Variants in SYNE1 observed in about 807,000 individuals in gnomAD.
SYNE1 encodes the protein nesprin-1.
In SYNE1, 616 loss-of-function variants were observed where a neutral mutation model predicts 1,111.0. The observed-to-expected ratio is 0.55, with a 90% confidence interval of 0.52 to 0.59. SYNE1 has a LOEUF of 0.59. SYNE1 is among the 20% of genes least tolerant of loss of function. The probability of loss-of-function intolerance (pLI) is 0.00; values close to 1 mark genes in which losing one functional copy is unlikely to be tolerated. For synonymous variants in SYNE1, 3,855 were observed against 3,825.8 expected (o/e 1.01, Z -0.28); for missense variants, 10,006 against 10,417.0 (o/e 0.96, Z 1.72).
rs1338211878 is a variant in SYNE1 at position 152,266,648 on chromosome 6, T to C, written c.18815+1408A>G. Among the ~76,000 whole-genome samples, 6 of 152,330 alleles carry C rather than the reference T, an allele frequency of 3.9e-5. No homozygotes were observed. The East Asian group carries it at 5.8e-4, about 15-fold the overall frequency. On this transcript the variant is annotated intron_variant, in intron 100 of 145. Transcript: ENST00000367255. The stretch of plus-strand genomic sequence containing the variant: ...ATGCCATAATACTATTCATTCCTAT[T>C]CTTTTACATTGATATTTATTAGCCA...
chr6:152,302,123 T>C (rs762658205), intron 91 of SYNE1, 60 bp from the exon 92 acceptor site: 19 of 1,606,350 alleles, frequency 1.2e-5, no homozygotes, highest in South Asian at 5.5e-5. Context: ...ACAGAAGTAG[T>C]AGCGTTCATC....
At chr6:152,511,463 G>T in intron 6 of SYNE1, 1 of 986,922 alleles carries the variant, frequency 1.0e-6, no homozygotes, top group Non-Finnish European at 1.6e-6. Flanking sequence ...GCAATGAGAA[G>T]TTTAAGAAGA....
At position 152,604,160 on chromosome 6, in the gene SYNE1, A is replaced by ATGTG. The variant is rs34756749; in HGVS notation, c.67+24101_67+24104dup. Among the ~76,000 whole-genome samples the ATGTG allele has an allele frequency of 1.7e-3, 257 of 148,866 alleles. 1 individual carries two copies. Among genetic ancestry groups the ATGTG allele is most frequent in the Middle Eastern group, 3.5e-3 (1 of 284 alleles). The stretch of plus-strand genomic sequence containing the variant: ...TCAGATAAAGTCTCCAACCCTTTAT[A>ATGTG]TGTGTGTGTGTGTGTGTGTATGTGT... On this transcript the variant is annotated intron_variant, in intron 3 of 145. Coordinates refer to ENST00000367255, the MANE Select transcript of SYNE1 (RefSeq NM_182961.4).
At position 152,176,933 on chromosome 6, in the gene SYNE1, T is replaced by C. The variant is rs1264636983; in HGVS notation, c.23461-373A>G. Reference sequence around the variant, plus strand: ...AACCTGATGTTATACTTAGAATAAATTCTCAGACAAATAGTTGCTGAGAGA... The same window carrying C: ...AACCTGATGTTATACTTAGAATAAACTCTCAGACAAATAGTTGCTGAGAGA... On this transcript the variant is annotated intron_variant, in intron 129 of 145. Transcript: ENST00000367255. 2.0e-5 allele frequency among the ~76,000 whole-genome samples: 3 copies of C among 152,124 alleles called. No homozygotes were observed. In the East Asian group the frequency reaches 5.8e-4, roughly 29 times the overall value.
At chr6:152,344,020 C>A (rs960064510) in intron 74 of SYNE1, 61 bp downstream of exon 74, 1 of 1,609,906 alleles carries the variant, frequency 6.2e-7, no homozygotes. Flanking sequence ...GTACTTCACA[C>A]ATTTTCACTG....
chr6:152,407,259 C>T, intron 44 of SYNE1, 63 bp from the exon 45 acceptor site: 2 of 1,480,554 alleles, frequency 1.4e-6, no homozygotes, highest in Non-Finnish European at 9.4e-7. Context: ...ATCCCCCAAC[C>T]AAAGTACCAA....
chr6:152,563,120 C>A (rs1359465181), intron 3 of SYNE1, among the ~76,000 whole-genome samples: 1 of 151,684 alleles, frequency 6.6e-6, no homozygotes, highest in African/African-American at 2.4e-5. Context: ...ACAACAATAA[C>A]AAAATAGTAC....
At chr6:152,285,518 A>G (rs752012000) in intron 95 of SYNE1, among the ~76,000 whole-genome samples, 4 of 152,160 alleles carry the variant, frequency 2.6e-5, no homozygotes, top group Non-Finnish European at 5.9e-5. Flanking sequence ...ACACTCGTGT[A>G]GTCTCACTCT....
At chr6:152,616,105 A>C (rs548177651) in intron 3 of SYNE1, among the ~76,000 whole-genome samples, 1 of 152,354 alleles carries the variant, frequency 6.6e-6, no homozygotes, top group South Asian at 2.1e-4. Context: ...TTAATATTCA[A>C]AATGATCTTT....
chr6:152,487,826 A>G (rs9383997), intron 12 of SYNE1, among the ~76,000 whole-genome samples: 20,068 of 152,202 alleles, frequency 0.13, 1,704 homozygotes, highest in East Asian at 0.46. Flanking sequence ...CTGTAATCCC[A>G]GCACTTTGGG....
intron 145 of SYNE1, among the ~76,000 whole-genome samples, chr6:152,124,367 T>C (rs965042991): frequency 2.6e-5 from 4 of 152,210 alleles, no homozygotes; most frequent in Non-Finnish European, 5.9e-5. Flanking sequence ...AGTGTTTCTA[T>C]ACACTTCTTG....
intron 127 of SYNE1, among the ~76,000 whole-genome samples, chr6:152,191,055 T>C (rs557600887): frequency 6.6e-6 from 1 of 152,260 alleles, no homozygotes; most frequent in African/African-American, 2.4e-5. Context: ...TTTCATTCTG[T>C]TGATCTGATG....
chr6:152,546,432 G>C (rs2099313521), intron 3 of SYNE1: 1 of 152,080 alleles, frequency 6.6e-6, no homozygotes, highest in Admixed American at 6.6e-5. Flanking sequence ...GGCTGGCATT[G>C]AGATCTACAT....
Position 152,440,862 on chromosome 6 carries a change from C to T in SYNE1, c.4149+268G>A, listed in dbSNP as rs112309215. Reference sequence around the variant, plus strand: ...ATTACAGGAGTTGAGTCACAGCGCGCGGCCTGCCTCCAGATTTTAAAAACT... The same window carrying T: ...ATTACAGGAGTTGAGTCACAGCGCGTGGCCTGCCTCCAGATTTTAAAAACT... On this transcript the variant is annotated intron_variant, in intron 32 of 145. Transcript: ENST00000367255. 0.045 allele frequency among the ~76,000 whole-genome samples: 6,777 copies of T among 151,822 alleles called. 173 individuals are homozygous for T. Among genetic ancestry groups the T allele is most frequent in the Non-Finnish European group, 0.056 (3,790 of 67,934 alleles).
At chr6:152,314,022 CA>C (rs1361096161) in intron 87 of SYNE1, among the ~76,000 whole-genome samples, 1 of 152,168 alleles carries the variant, frequency 6.6e-6, no homozygotes, top group Non-Finnish European at 1.5e-5. Flanking sequence ...TGGAGAATTC[CA>C]GCTGCTTAGT....
chr6:152,460,799 CTTTTTTTTTT>C (rs869295894), intron 21 of SYNE1, among the ~76,000 whole-genome samples: 1 of 67,604 alleles, frequency 1.5e-5, no homozygotes, highest in East Asian at 4.3e-4. Context: ...TGTATATAAT[CTTTTTTTTTT>C]TTTTTTTTTT....
At chr6:152,459,206 T>C (rs1438637215) in intron 21 of SYNE1, among the ~76,000 whole-genome samples, 1 of 152,202 alleles carries the variant, frequency 6.6e-6, no homozygotes, top group Admixed American at 6.5e-5. Context: ...CTCATCTAAA[T>C]GATTGTTTTT....
chr6:152,401,407 T>C, intron 46 of SYNE1, 66 bp from the exon 47 acceptor site: 1 of 1,492,668 alleles, frequency 6.7e-7, no homozygotes. Context: ...CAGTAGAAAT[T>C]CTGTTCACGT....
rs9371587 is a variant in SYNE1, at chr6:152,339,702, G to T, written c.12226-336C>A. Among the ~76,000 whole-genome samples, 42,459 of 152,088 alleles carry T rather than the reference G, an allele frequency of 0.28. 6,731 individuals carry two copies. The highest frequency in any genetic ancestry group is 0.43 in the African/African-American group (17,947 of 41,446). On this transcript the variant is annotated intron_variant, in intron 74 of 145. Coordinates refer to ENST00000367255, the MANE Select transcript of SYNE1 (RefSeq NM_182961.4). ...TCCAGAGAAAGAATTTGTAGCCTAC[G>T]CTGTCCTGCCTCTTAACATGCTTTT...
Sources: allele counts gnomAD v4.1 joint callset (sites outside exome capture counted in the v4.1 genomes callset), GRCh38; gene constraint gnomAD v4.1.1; transcripts MANE v1.5; gene names NCBI Gene and HGNC (gene_info 2026-07-23, HGNC 2026-07-21).